The following SAMMSON variants were observed in gnomAD, a reference collection of about 807,000 sequenced individuals.
SAMMSON encodes survival associated mitochondrial melanoma specific oncogenic non-coding RNA.
intron 7 of SAMMSON, among the ~76,000 whole-genome samples, chr3:70,333,981 T>C (rs369761379): frequency 8.5e-5 from 13 of 152,262 alleles, no homozygotes; most frequent in African/African-American, 3.1e-4. Context: ...GAATCTTCAC[T>C]GAAAATCAGT....
At chr3:70,285,740 G>A (rs1483866894) in intron 6 of SAMMSON, among the ~76,000 whole-genome samples, 1 of 151,552 alleles carries the variant, frequency 6.6e-6, no homozygotes, top group Non-Finnish European at 1.5e-5. Context: ...ACTTTTTAAT[G>A]ATTGCCATTC....
intron 2 of SAMMSON, among the ~76,000 whole-genome samples, chr3:70,412,318 T>C (rs1347511725): frequency 6.6e-6 from 1 of 152,202 alleles, no homozygotes; most frequent in African/African-American, 2.4e-5. Flanking sequence ...TGAAATTATA[T>C]GCTTAATATT....
exon 3 of SAMMSON, chr3:70,013,543 A>C (rs1030498239): frequency 6.6e-6 from 1 of 152,156 alleles, no homozygotes; most frequent in African/African-American, 2.4e-5. Context: ...AAAGTCTCAG[A>C]AAGGCACTGT....
chr3:70,099,162 ACTT>A (rs1198468248), intron 4 of SAMMSON, among the ~76,000 whole-genome samples: 2 of 152,166 alleles, frequency 1.3e-5, no homozygotes, highest in African/African-American at 4.8e-5. Flanking sequence ...TATTGACACT[ACTT>A]CTATTAAGAT....
intron 4 of SAMMSON, among the ~76,000 whole-genome samples, chr3:70,246,042 T>C (rs1701705341): frequency 6.6e-6 from 1 of 151,794 alleles, no homozygotes; most frequent in Admixed American, 6.6e-5. Context: ...TATATGTAGA[T>C]AGACAGATAG....
rs185179503 is a variant in SAMMSON, at chr3:70,361,047, A to G, written n.913+2723A>G. Among the ~76,000 whole-genome samples the G allele has an allele frequency of 2.7e-3, 417 of 152,244 alleles. 2 individuals are homozygous for G. Among genetic ancestry groups the G allele is most frequent in the African/African-American group, 9.2e-3 (383 of 41,540 alleles). ...ACTTAACCATCCCTGTATTACAGAT[A>G]AGAAAACTCAGCCTCAGAGGCCCAA... On this transcript the variant is annotated intron_variant and non_coding_transcript_variant, in intron 9 of 9. Transcript: ENST00000642114.
intron 2 of SAMMSON, among the ~76,000 whole-genome samples, chr3:70,398,927 T>A (rs1701114448): frequency 6.6e-6 from 1 of 152,208 alleles, no homozygotes; most frequent in Non-Finnish European, 1.5e-5. Context: ...GTTAATAGAC[T>A]GAAAAAATGG....
intron 4 of SAMMSON, among the ~76,000 whole-genome samples, chr3:70,081,691 G>A (rs1451412762): frequency 6.6e-6 from 1 of 152,132 alleles, no homozygotes; most frequent in Non-Finnish European, 1.5e-5. Flanking sequence ...TCACTTAAAG[G>A]AACCTTCTGG....
chr3:70,026,821 G>A (rs1034008795), intron 3 of SAMMSON, among the ~76,000 whole-genome samples: 2 of 152,172 alleles, frequency 1.3e-5, no homozygotes, highest in Non-Finnish European at 2.9e-5. Flanking sequence ...GATGGTGCAA[G>A]CATGACATTT....
At chr3:70,385,524 T>C (rs1703113555) in intron 9 of SAMMSON, among the ~76,000 whole-genome samples, 1 of 152,072 alleles carries the variant, frequency 6.6e-6, no homozygotes, top group South Asian at 2.1e-4. Flanking sequence ...AGCACTCTGC[T>C]AGGCTGTGTG....
intron 4 of SAMMSON, among the ~76,000 whole-genome samples, chr3:70,236,482 G>A (rs1701610184): frequency 1.3e-5 from 2 of 152,144 alleles, no homozygotes; most frequent in South Asian, 4.1e-4. Flanking sequence ...TCTTACTAAT[G>A]TGTAAGCCTT....
At chr3:70,415,118 C>A (rs923941574) in intron 2 of SAMMSON, among the ~76,000 whole-genome samples, 13 of 152,150 alleles carry the variant, frequency 8.5e-5, no homozygotes, top group Non-Finnish European at 1.6e-4. Context: ...CCCCTGTTGA[C>A]TTCTGCCAAC....
chr3:70,178,862 T>C (rs933425852), intron 4 of SAMMSON, among the ~76,000 whole-genome samples: 1 of 151,870 alleles, frequency 6.6e-6, no homozygotes, highest in African/African-American at 2.4e-5. Context: ...TACAAAAAAA[T>C]TAGCTGGGCG....
At chr3:70,118,280 G>A (rs1448691614) in intron 4 of SAMMSON, among the ~76,000 whole-genome samples, 1 of 152,134 alleles carries the variant, frequency 6.6e-6, no homozygotes, top group Non-Finnish European at 1.5e-5. Context: ...TTTAGACCAT[G>A]AGAAGCACTT....
At chr3:70,012,344 G>A (rs1362924484) in intron 1 of SAMMSON, 2 of 149,492 alleles carry the variant, frequency 1.3e-5, no homozygotes, top group Non-Finnish European at 3.0e-5. Context: ...TTTTTTTTTT[G>A]TTGATTATCC....
intron 2 of SAMMSON, among the ~76,000 whole-genome samples, chr3:70,400,794 T>A (rs1184163239): frequency 2.0e-5 from 3 of 152,062 alleles, no homozygotes; most frequent in Non-Finnish European, 4.4e-5. Context: ...TAGCCAGGTG[T>A]GGTGGTGTGC....
At chr3:70,313,319 T>G (rs1368416360) in intron 7 of SAMMSON, among the ~76,000 whole-genome samples, 1 of 152,110 alleles carries the variant, frequency 6.6e-6, no homozygotes, top group South Asian at 2.1e-4. Context: ...ATTTAAATTT[T>G]TTTTTTAAAA....
At chr3:70,309,387 A>G (rs963625967) in intron 7 of SAMMSON, among the ~76,000 whole-genome samples, 2 of 152,198 alleles carry the variant, frequency 1.3e-5, no homozygotes, top group Non-Finnish European at 1.5e-5. Flanking sequence ...CAAAGTGTGA[A>G]CTAAGCTCTC....
At chr3:70,114,873 A>C (rs2067404139) in intron 4 of SAMMSON, among the ~76,000 whole-genome samples, 2 of 152,190 alleles carry the variant, frequency 1.3e-5, no homozygotes, top group Admixed American at 1.3e-4. Flanking sequence ...TTTAAGATAT[A>C]GCTTCCTTTG....
Sources: allele counts gnomAD v4.1 joint callset (sites outside exome capture counted in the v4.1 genomes callset), GRCh38; gene constraint gnomAD v4.1.1; transcripts MANE v1.5; gene names NCBI Gene and HGNC (gene_info 2026-07-23, HGNC 2026-07-21).